MARK1: variants seen among roughly 807,000 people sequenced by gnomAD.
MARK1 encodes the protein microtubule affinity regulating kinase 1.
MARK1 carries 40 observed loss-of-function variants against 96.3 expected under a neutral mutation model. That is an observed-to-expected ratio of 0.42 (90% confidence interval 0.32 to 0.54). The LOEUF is 0.54. MARK1 is among the 20% of genes least tolerant of loss of function. MARK1 has a pLI of 0.16. For synonymous variants in MARK1, 317 were observed against 341.2 expected (o/e 0.93, Z 0.78); for missense variants, 719 against 984.6 (o/e 0.73, Z 3.61).
At chr1:220,623,745 G>A (rs970097814) in intron 9 of MARK1, among the ~76,000 whole-genome samples, 8 of 152,038 alleles carry the variant, frequency 5.3e-5, no homozygotes, top group African/African-American at 1.9e-4. Flanking sequence ...TTTTTCCCGT[G>A]CTAATTATAA....
intron 3 of MARK1, among the ~76,000 whole-genome samples, chr1:220,587,408 G>T (rs1254065823): frequency 6.8e-6 from 1 of 146,956 alleles, no homozygotes; most frequent in African/African-American, 2.5e-5. Context: ...CACTCTTGTT[G>T]CCCAGACTGG....
intron 11 of MARK1, among the ~76,000 whole-genome samples, chr1:220,632,712 G>A (rs932216254): frequency 1.3e-5 from 2 of 152,202 alleles, no homozygotes; most frequent in Non-Finnish European, 2.9e-5. Flanking sequence ...ATTTTTAAAA[G>A]AGGTAACTCC....
At chr1:220,565,879 A>C (rs1424489621) in intron 1 of MARK1, among the ~76,000 whole-genome samples, 7 of 152,178 alleles carry the variant, frequency 4.6e-5, no homozygotes, top group Non-Finnish European at 8.8e-5. Context: ...AACACTCTGT[A>C]AACACTCAGC....
At chr1:220,542,146 T>C (rs1179217453) in intron 1 of MARK1, among the ~76,000 whole-genome samples, 16 of 152,240 alleles carry the variant, frequency 1.1e-4, no homozygotes. Flanking sequence ...ATATTTTTAA[T>C]TTCTAAGTTT....
At chr1:220,533,588 G>T (rs146596754) in intron 1 of MARK1, among the ~76,000 whole-genome samples, 1 of 152,178 alleles carries the variant, frequency 6.6e-6, no homozygotes, top group African/African-American at 2.4e-5. Flanking sequence ...TTAAACGATA[G>T]CTTTGCTTAG....
rs773022665 is a variant in MARK1, at chr1:220,528,854, A to G, written c.32A>G (p.Asn11Ser). 5.1e-6 allele frequency: 8 copies of G among 1,571,584 alleles called. 1 individual carries two copies. The South Asian group carries it at 8.2e-5, about 16-fold the overall frequency. The change falls in exon 1 of 18, where the codon AAC (asparagine) becomes AGC (serine). Residue 11 changes from asparagine to serine, a missense_variant. This residue lies in a region of MARK1 where 105 missense variants were observed against 133.4 expected (regional missense o/e 0.79). Transcript: ENST00000366917. ...GCCCGGACGCCATTGCCGACGGTGAACGAGCGGGACACGGAAAATGTGAGT... is the reference window on the plus strand; with the variant it reads ...GCCCGGACGCCATTGCCGACGGTGAGCGAGCGGGACACGGAAAATGTGAGT... MSARTPLPTV[N>S]ERDTENHTSV...
chr1:220,545,956 C>G (rs887853064), intron 1 of MARK1, among the ~76,000 whole-genome samples: 1 of 152,116 alleles, frequency 6.6e-6, no homozygotes, highest in African/African-American at 2.4e-5. Flanking sequence ...AAGAATCTTG[C>G]TAAGTCAGTT....
At chr1:220,614,689 G>A (rs1024914134) in intron 6 of MARK1, among the ~76,000 whole-genome samples, 1 of 151,834 alleles carries the variant, frequency 6.6e-6, no homozygotes, top group African/African-American at 2.4e-5. Flanking sequence ...ATTCATTTTT[G>A]TATTTGCCTA....
intron 9 of MARK1, among the ~76,000 whole-genome samples, chr1:220,629,069 G>A (rs1667521118): frequency 6.6e-6 from 1 of 152,042 alleles, no homozygotes; most frequent in Non-Finnish European, 1.5e-5. Context: ...TAAATGAGGG[G>A]AAGGTACCTG....
At chr1:220,541,941 G>A (rs1307990236) in intron 1 of MARK1, among the ~76,000 whole-genome samples, 1 of 152,146 alleles carries the variant, frequency 6.6e-6, no homozygotes, top group East Asian at 1.9e-4. Context: ...TTTCCGTCTT[G>A]TAGGTTTTTG....
chr1:220,655,401 C>T (rs907396249), intron 16 of MARK1, among the ~76,000 whole-genome samples: 8 of 152,174 alleles, frequency 5.3e-5, no homozygotes, highest in African/African-American at 1.7e-4. Context: ...CACTTAGATA[C>T]GTTATAGACT....
chr1:220,662,110 A>C lies in MARK1; in HGVS notation c.2332A>C (p.Thr778Pro). 6.2e-7 allele frequency: 1 copy of C among 1,614,122 alleles called. No individual in the cohort carries two copies. Among genetic ancestry groups the C allele is most frequent in the South Asian group, 1.1e-5 (1 of 91,086 alleles). The change falls in exon 18 of 18, where the codon ACA becomes CCA. Residue 778 changes from threonine to proline, a missense_variant. Around this residue, in one of 4 missense-constraint regions of MARK1, gnomAD observed 17 missense variants for 49.7 expected, o/e 0.34. Coordinates refer to ENST00000366917, the MANE Select transcript of MARK1 (RefSeq NM_018650.5). ...NGVRFKRISG[T>P]SIAFKNIASK... ...GGTTCGCTTCAAGCGAATATCTGGG[A>C]CATCTATTGCCTTTAAGAACATTGC...
intron 1 of MARK1, among the ~76,000 whole-genome samples, chr1:220,536,186 A>G (rs994172835): frequency 1.3e-5 from 2 of 152,092 alleles, no homozygotes; most frequent in African/African-American, 4.8e-5. Context: ...TTTTCGGCAT[A>G]TAAGATAATC....
rs1242351987 is a variant in MARK1 at position 220,618,116 on chromosome 1, G to A, written c.553-194G>A. Among the ~76,000 whole-genome samples the A allele has an allele frequency of 1.3e-5, 2 of 152,120 alleles. No homozygotes were observed. Among genetic ancestry groups the A allele is most frequent in the African/African-American group, 4.8e-5 (2 of 41,416 alleles). ...ATAAAGAGAGCTTTCCTTATGTAGT[G>A]TTAAAATTTAGTCTTATGTAGATGT... On this transcript the variant is annotated intron_variant, in intron 7 of 17. Transcript: ENST00000366917. This position sits in a 1 kb window ranked among gnomAD's most constrained non-coding sequence, Gnocchi z 4.6.
At chr1:220,623,479 T>G (rs966580480) in intron 9 of MARK1, among the ~76,000 whole-genome samples, 4 of 152,210 alleles carry the variant, frequency 2.6e-5, no homozygotes, top group Non-Finnish European at 5.9e-5. Context: ...TTATCTTCCA[T>G]TCTGAGAAGA....
chr1:220,652,137 G>A lies in MARK1; in HGVS notation c.1723G>A (p.Ala575Thr). Residue 575 changes from alanine (A) to threonine (T), a missense_variant, in exon 15 of 18, where the codon GCT (alanine) becomes ACT (threonine). Ala to Thr is a moderately conservative substitution (Grantham distance 58, BLOSUM62 0). Coordinates refer to ENST00000366917, the MANE Select transcript of MARK1 (RefSeq NM_018650.5). ...TLPTIKDGSEAYRPGTTQRVP... is the reference protein window; with the variant it reads ...TLPTIKDGSETYRPGTTQRVP... ...GCCAACCATTAAAGACGGCTCTGAAGCTTACCGGCCTGGGTAATGTGTTGG... is the reference window on the plus strand; with the variant it reads ...GCCAACCATTAAAGACGGCTCTGAAACTTACCGGCCTGGGTAATGTGTTGG... The A allele has an allele frequency of 6.2e-7, 1 of 1,607,192 alleles. No individual in the cohort carries two copies. Among genetic ancestry groups the A allele is most frequent in the Non-Finnish European group, 8.5e-7 (1 of 1,174,448 alleles).
At chr1:220,649,351 C>G (rs6673196) in intron 13 of MARK1, among the ~76,000 whole-genome samples, 6,354 of 152,004 alleles carry the variant, frequency 0.042, 421 homozygotes, top group African/African-American at 0.14. Flanking sequence ...TTAAGCCTCT[C>G]GAGTAGCTGG....
intron 1 of MARK1, among the ~76,000 whole-genome samples, chr1:220,561,353 AT>A (rs1572082913): frequency 1.3e-5 from 2 of 152,048 alleles, no homozygotes; most frequent in African/African-American, 4.8e-5. Flanking sequence ...TTCTTAAAAC[AT>A]TACGAGAATT....
intron 13 of MARK1, among the ~76,000 whole-genome samples, chr1:220,637,197 G>A (rs1377877971): frequency 6.6e-6 from 1 of 152,090 alleles, no homozygotes; most frequent in South Asian, 2.1e-4. Flanking sequence ...AAAATATATA[G>A]GAGTTGAAAG....
Sources: allele counts gnomAD v4.1 joint callset (sites outside exome capture counted in the v4.1 genomes callset), GRCh38; gene constraint gnomAD v4.1.1; regional missense constraint gnomAD v4.1.1; non-coding constraint Gnocchi (gnomAD v3.1); transcripts MANE v1.5; gene names NCBI Gene and HGNC (gene_info 2026-07-23, HGNC 2026-07-21).